NR3C1: variants seen among roughly 807,000 people sequenced by gnomAD.
The protein encoded by NR3C1 is nuclear receptor subfamily 3 group C member 1.
Under a neutral mutation model 74.0 loss-of-function variants are expected in NR3C1, and 14 were observed. The observed-to-expected ratio is 0.19, with a 90% CI of 0.12 to 0.30. The LOEUF (loss-of-function observed/expected upper bound fraction) is 0.30, where lower values mean the gene tolerates loss of function less well. Ranked by LOEUF, NR3C1 falls within the 10% of genes least tolerant of loss-of-function variation. The probability of loss-of-function intolerance (pLI) is 1.00; values close to 1 mark genes in which losing one functional copy is unlikely to be tolerated. For missense variants in NR3C1, 695 were observed against 909.8 expected (o/e 0.76, Z 3.04); for synonymous variants, 308 against 332.5 (o/e 0.93, Z 0.80).
intron 1 of NR3C1, among the ~76,000 whole-genome samples, chr5:143,422,764 C>T (rs756705434): frequency 4.6e-5 from 7 of 152,178 alleles, no homozygotes; most frequent in East Asian, 1.9e-4. Context: ...TTATAACCCA[C>T]GCAGTCTATG....
intron 6 of NR3C1, among the ~76,000 whole-genome samples, chr5:143,297,115 G>T (rs1817475296): frequency 6.6e-6 from 1 of 151,034 alleles, no homozygotes. Flanking sequence ...AAAGGTGGAG[G>T]ACTGCCCATC....
At chr5:143,428,705 T>A (rs1238577846) in intron 1 of NR3C1, among the ~76,000 whole-genome samples, 1 of 152,232 alleles carries the variant, frequency 6.6e-6, no homozygotes, top group African/African-American at 2.4e-5. Context: ...TGGTAACATT[T>A]AACTGTACAG....
rs1044995711 is a variant in NR3C1 at position 143,300,243 on chromosome 5, T to C, written c.1747+242A>G. 6.6e-6 allele frequency among the ~76,000 whole-genome samples: 1 copy of C among 152,222 alleles called. No homozygotes were observed. The highest frequency in any genetic ancestry group is 1.9e-4 in the East Asian group (1 of 5,206). On this transcript the variant is annotated intron_variant, in intron 5 of 8. Coordinates refer to ENST00000394464, the MANE Select transcript of NR3C1 (RefSeq NM_000176.3). This position sits in a 1 kb window ranked among gnomAD's most constrained non-coding sequence, Gnocchi z 5.2. Reference sequence around the variant, plus strand: ...GTGAGTCTTGTAACTTGAATTCTGATATTACATCATCCTATGTGAAATTAC... The same window carrying C: ...GTGAGTCTTGTAACTTGAATTCTGACATTACATCATCCTATGTGAAATTAC...
intron 2 of NR3C1, among the ~76,000 whole-genome samples, chr5:143,390,842 T>C (rs75797020): frequency 2.6e-5 from 4 of 152,208 alleles, no homozygotes; most frequent in African/African-American, 7.2e-5. Flanking sequence ...GCAATACTCA[T>C]ATGATTTGGA....
At chr5:143,328,763 G>A (rs945544479) in intron 2 of NR3C1, among the ~76,000 whole-genome samples, 16 of 152,202 alleles carry the variant, frequency 1.1e-4, no homozygotes, top group African/African-American at 2.9e-4. Flanking sequence ...AATGCTGCCA[G>A]TCTTTTTGCT....
rs1038389648 is a variant in NR3C1, at chr5:143,278,022, T to C, written c.*3867A>G. On this transcript the variant is annotated 3_prime_UTR_variant, in exon 9 of 9. Transcript: ENST00000394464. ...ATTTACTGCCAATTCGGTACAAATGTGTGGTTTGGTAATACCAGAACAGCA... is the reference window on the plus strand; with the variant it reads ...ATTTACTGCCAATTCGGTACAAATGCGTGGTTTGGTAATACCAGAACAGCA... 3 of 152,220 alleles carry C rather than the reference T, an allele frequency of 2.0e-5. No homozygotes were observed. The highest frequency in any genetic ancestry group is 7.2e-5 in the African/African-American group (3 of 41,450). The allele number at this position is 152,220 out of a possible 1,614,324, so 9.4% of individuals were successfully genotyped here.
chr5:143,336,919 A>G (rs932969766), intron 2 of NR3C1, among the ~76,000 whole-genome samples: 1 of 151,756 alleles, frequency 6.6e-6, no homozygotes, highest in Non-Finnish European at 1.5e-5. Context: ...TGGAGGCTGC[A>G]GTGAGCCAAG....
At chr5:143,335,185 A>C (rs531662231) in intron 2 of NR3C1, among the ~76,000 whole-genome samples, 8 of 152,240 alleles carry the variant, frequency 5.3e-5, no homozygotes, top group Non-Finnish European at 8.8e-5. Flanking sequence ...ACAGTGGTAC[A>C]TGCCGAGGCC....
At chr5:143,295,427 T>C in intron 7 of NR3C1, 33 bp downstream of exon 7, 1 of 1,609,194 alleles carries the variant, frequency 6.2e-7, no homozygotes. Flanking sequence ...TATTTCATGC[T>C]TTTGACATAA....
intron 1 of NR3C1, among the ~76,000 whole-genome samples, chr5:143,419,525 AT>A (rs1274516496): frequency 1.3e-5 from 2 of 152,010 alleles, no homozygotes; most frequent in African/African-American, 4.8e-5. Flanking sequence ...AAAGAGAGAA[AT>A]TTTAAAGCTG....
At chr5:143,323,130 G>A (rs909616974) in intron 2 of NR3C1, among the ~76,000 whole-genome samples, 5 of 152,206 alleles carry the variant, frequency 3.3e-5, no homozygotes, top group African/African-American at 9.6e-5. Flanking sequence ...GCCCTGGAAC[G>A]TGAATCATCC....
intron 2 of NR3C1, among the ~76,000 whole-genome samples, chr5:143,379,334 G>A (rs1010158746): frequency 6.6e-6 from 1 of 152,156 alleles, no homozygotes; most frequent in African/African-American, 2.4e-5. Flanking sequence ...CTATCAGGAA[G>A]ATTAACTTCT....
chr5:143,292,694 T>C (rs1240475971), intron 7 of NR3C1, among the ~76,000 whole-genome samples: 2 of 152,212 alleles, frequency 1.3e-5, no homozygotes, highest in Non-Finnish European at 2.9e-5. Context: ...TTTTTAACTC[T>C]GAAGCTAGTC....
chr5:143,390,020 G>A, intron 2 of NR3C1: 2 of 656,484 alleles, frequency 3.0e-6, no homozygotes, highest in Non-Finnish European at 3.8e-6. Flanking sequence ...TAAGCAGGCT[G>A]TTGTCACAAA....
chr5:143,298,834 T>C, intron 5 of NR3C1, 22 bp from the exon 6 acceptor site: 1 of 1,609,388 alleles, frequency 6.2e-7, no homozygotes, highest in Non-Finnish European at 8.5e-7. Flanking sequence ...GAAATAAAGG[T>C]ATGAGGCAAC....
intron 6 of NR3C1, among the ~76,000 whole-genome samples, chr5:143,296,680 T>A (rs1431533378): frequency 6.6e-6 from 1 of 152,164 alleles, no homozygotes; most frequent in African/African-American, 2.4e-5. Context: ...AGAGACTGTT[T>A]GACAGCTCTA....
intron 7 of NR3C1, among the ~76,000 whole-genome samples, chr5:143,288,438 T>C: frequency 6.6e-6 from 1 of 151,842 alleles, no homozygotes; most frequent in Non-Finnish European, 1.5e-5. Flanking sequence ...AAATTTAAGA[T>C]GTTAATTATT....
intron 2 of NR3C1, among the ~76,000 whole-genome samples, chr5:143,387,862 G>A (rs529222267): frequency 5.3e-5 from 8 of 152,140 alleles, no homozygotes; most frequent in African/African-American, 1.9e-4. Flanking sequence ...CTCTCTTAAG[G>A]TACTCAGTGA....
chr5:143,287,645 C>A (rs1346727057), intron 7 of NR3C1, among the ~76,000 whole-genome samples: 7 of 152,060 alleles, frequency 4.6e-5, no homozygotes, highest in Non-Finnish European at 1.0e-4. Context: ...CTTCTCAACT[C>A]ATTTTAAGAG....
Sources: gnomAD v4.1 joint callset for allele counts (sites outside exome capture counted in the v4.1 genomes callset) on GRCh38, gnomAD v4.1.1 for gene constraint, Gnocchi (gnomAD v3.1) non-coding constraint, MANE v1.5 for transcripts, NCBI Gene and HGNC (gene_info 2026-07-23, HGNC 2026-07-21) for gene names.